SPRYD3: variants seen among roughly 807,000 people sequenced by gnomAD.
The protein encoded by SPRYD3 is SPRY domain-containing protein 3.
In SPRYD3, 17 loss-of-function variants were observed where a neutral mutation model predicts 50.1. That is an observed-to-expected ratio of 0.34 (90% CI 0.23 to 0.51). The LOEUF (loss-of-function observed/expected upper bound fraction) is 0.51. SPRYD3 is among the 20% of genes least tolerant of loss of function. The pLI, the probability that SPRYD3 is intolerant of heterozygous loss-of-function variation, is 0.97. For synonymous variants in SPRYD3, 198 were observed against 215.5 expected (o/e 0.92, Z 0.71); for missense variants, 401 against 591.2 (o/e 0.68, Z 3.34).
At chr12:53,071,497 G>A (rs1201764088) in intron 6 of SPRYD3, among the ~76,000 whole-genome samples, 2 of 152,096 alleles carry the variant, frequency 1.3e-5, no homozygotes, top group Non-Finnish European at 2.9e-5. Flanking sequence ...TCTTTAGGAG[G>A]GGGAAACAGG....
At chr12:53,071,723 TAAAAAAAAAAA>T (rs60600870) in intron 6 of SPRYD3, among the ~76,000 whole-genome samples, 5 of 104,510 alleles carry the variant, frequency 4.8e-5, no homozygotes, top group African/African-American at 1.9e-4. Flanking sequence ...TAGCCTGTCT[TAAAAAAAAAAA>T]AAAAAAAAAA....
rs764045784 is a variant in SPRYD3 at position 53,074,825 on chromosome 12, C to T, written c.372-41G>A. The T allele has an allele frequency of 5.6e-6, 9 of 1,607,964 alleles. No individual in the cohort carries two copies. The African/African-American group carries it at 1.1e-4, about 19-fold the overall frequency. Reference sequence around the variant, plus strand: ...TACAGACACAGGACCCGAGCCTGGCCTCCCAACTTCTCCCCAGCACTGACA... The same window carrying T: ...TACAGACACAGGACCCGAGCCTGGCTTCCCAACTTCTCCCCAGCACTGACA... On this transcript the variant is annotated intron_variant, in intron 4 of 10. Transcript: ENST00000301463. This position sits in a 1 kb window ranked among gnomAD's most constrained non-coding sequence, Gnocchi z 4.6.
At chr12:53,078,359 C>T (rs1335538518) in intron 1 of SPRYD3, among the ~76,000 whole-genome samples, 2 of 151,484 alleles carry the variant, frequency 1.3e-5, no homozygotes, top group Non-Finnish European at 2.9e-5. Flanking sequence ...CGTGGTGGTG[C>T]GCACCTGTAA....
chr12:53,071,354 C>T (rs1944548384), intron 6 of SPRYD3, among the ~76,000 whole-genome samples: 1 of 152,174 alleles, frequency 6.6e-6, no homozygotes, highest in Admixed American at 6.5e-5. Flanking sequence ...AGTCTAATCC[C>T]CCAGCTGTTA....
At chr12:53,066,203 G>C in intron 10 of SPRYD3, 111 bp downstream of exon 10, 1 of 1,531,594 alleles carries the variant, frequency 6.5e-7, no homozygotes, top group African/African-American at 1.4e-5. Context: ...CTTGGGCAAC[G>C]CCAGAGCTTC....
At chr12:53,073,256 G>GGCCCCGGGGGGGGGGCC in intron 6 of SPRYD3, 30 bp downstream of exon 6, 1 of 424,132 alleles carries the variant, frequency 2.4e-6, no homozygotes, top group Non-Finnish European at 4.4e-6. Flanking sequence ...CTCCGACCCA[G>GGCCCCGGGGGGGGGGCC]CCCCTCCCAC....
In SPRYD3 at chr12:53,068,324, T is replaced by TG; in HGVS notation, c.694-21dup. On this transcript the variant is annotated intron_variant, in intron 6 of 10. Transcript: ENST00000301463. ...CAGCAGCTGTGGGGGAAGAGCCAGA[T>TG]GGGGGTCAGGGGACAGGCTGACACC... 6.2e-7 allele frequency: 1 copy of TG among 1,612,918 alleles called. No individual in the cohort carries two copies. Among genetic ancestry groups the TG allele is most frequent in the Non-Finnish European group, 8.5e-7 (1 of 1,179,814 alleles).
intron 1 of SPRYD3, chr12:53,077,913 A>G (rs1944601034): frequency 3.8e-6 from 1 of 266,526 alleles, no homozygotes; most frequent in South Asian, 3.4e-5. Context: ...TTGGCTGGGT[A>G]TGATGGCTCA....
At chr12:53,078,151 C>A in intron 1 of SPRYD3, 1 of 448,474 alleles carries the variant, frequency 2.2e-6, no homozygotes, top group South Asian at 1.6e-5. Flanking sequence ...TACATTCCAG[C>A]CTGGCTGACA....
At chr12:53,073,679 C>T (rs1330394250) in intron 5 of SPRYD3, among the ~76,000 whole-genome samples, 1 of 151,846 alleles carries the variant, frequency 6.6e-6, no homozygotes, top group Non-Finnish European at 1.5e-5. Flanking sequence ...CCCGTCTCTA[C>T]TAAAAATACA....
chr12:53,070,010 C>G (rs923889901), intron 6 of SPRYD3, among the ~76,000 whole-genome samples: 9 of 152,234 alleles, frequency 5.9e-5, no homozygotes, highest in African/African-American at 2.2e-4. Flanking sequence ...TTTGCCTCAG[C>G]TCAGAAGAGG....
At chr12:53,075,542 G>A (rs1944582026) in intron 3 of SPRYD3, among the ~76,000 whole-genome samples, 194 bp downstream of exon 3, 1 of 152,140 alleles carries the variant, frequency 6.6e-6, no homozygotes, top group Admixed American at 6.5e-5. Context: ...GAAGGGACAG[G>A]GTGACAGGTT....
rs537037309 is a variant in SPRYD3, at chr12:53,079,367, C to T, written c.-34G>A. ...CTCTCAGCTCCGCACACAAGCTCTTCGGCCGCCGCCACCACACACATCCGG... is the reference window on the plus strand; with the variant it reads ...CTCTCAGCTCCGCACACAAGCTCTTTGGCCGCCGCCACCACACACATCCGG... On this transcript the variant is annotated 5_prime_UTR_variant, in exon 1 of 11. Transcript: ENST00000301463. 2.5e-6 allele frequency: 4 copies of T among 1,596,844 alleles called. No homozygotes were observed. The highest frequency in any genetic ancestry group is 2.2e-5 in the South Asian group (2 of 89,246).
At chr12:53,066,054 T>A in intron 10 of SPRYD3, 88 bp from the exon 11 acceptor site, 4 of 1,510,388 alleles carry the variant, frequency 2.6e-6, no homozygotes, top group Non-Finnish European at 3.6e-6. Flanking sequence ...TGAACCCCAA[T>A]CACCCCAGCT....
At chr12:53,067,837 C>A in intron 7 of SPRYD3, 132 bp from the exon 8 acceptor site, 1 of 851,528 alleles carries the variant, frequency 1.2e-6, no homozygotes, top group Non-Finnish European at 1.9e-6. Flanking sequence ...TCATACCCTG[C>A]AGGCACTGGG....
At chr12:53,078,930 G>T (rs1348855495) in intron 1 of SPRYD3, among the ~76,000 whole-genome samples, 1 of 152,174 alleles carries the variant, frequency 6.6e-6, no homozygotes, top group Non-Finnish European at 1.5e-5. Flanking sequence ...AGAAGAGTAG[G>T]CACCTGTGGG....
At position 53,064,463 on chromosome 12, in the gene SPRYD3, T is replaced by C. The variant is rs541642898; in HGVS notation, c.*1369A>G. On this transcript the variant is annotated 3_prime_UTR_variant, in exon 11 of 11. Transcript: ENST00000301463. ...GTGCTCAGGCCTGTAGCCAGGCCCATGGAACATATGATTCCCATCCCTGGC... is the reference window on the plus strand; with the variant it reads ...GTGCTCAGGCCTGTAGCCAGGCCCACGGAACATATGATTCCCATCCCTGGC... The C allele has an allele frequency of 4.6e-5, 7 of 152,854 alleles. No homozygotes were observed. The East Asian group carries it at 1.4e-3, about 29-fold the overall frequency. The allele number at this position is 152,854 out of a possible 1,614,324, so 9.5% of individuals were successfully genotyped here.
In SPRYD3 at chr12:53,074,921, GC is replaced by G; in HGVS notation, c.372-138del. On this transcript the variant is annotated intron_variant, in intron 4 of 10. Coordinates refer to ENST00000301463, the MANE Select transcript of SPRYD3 (RefSeq NM_032840.3). The surrounding 1 kb of genome is among the most constrained non-coding windows in gnomAD (Gnocchi z 4.6). ...GGTACCCACTTACGTCCTGGCGTGAGCATCACCCTCCTCTAGTCTGTAAGCC... is the reference window on the plus strand; with the variant it reads ...GGTACCCACTTACGTCCTGGCGTGAGATCACCCTCCTCTAGTCTGTAAGCC... 1 of 1,349,444 alleles carries G rather than the reference GC, an allele frequency of 7.4e-7. No individual in the cohort carries two copies. The highest frequency in any genetic ancestry group is 1.0e-6 in the Non-Finnish European group (1 of 960,096). 83.6% of individuals were successfully genotyped at this position (1,349,444 alleles called of 1,614,324 possible).
chr12:53,066,807 G>C, intron 8 of SPRYD3, 115 bp from the exon 9 acceptor site: 3 of 1,362,180 alleles, frequency 2.2e-6, no homozygotes, highest in Non-Finnish European at 3.0e-6. Context: ...GAAGGGTCAG[G>C]GCGGAAACAA....
Sources: allele counts gnomAD v4.1 joint callset (sites outside exome capture counted in the v4.1 genomes callset), GRCh38; gene constraint gnomAD v4.1.1; non-coding constraint Gnocchi (gnomAD v3.1); transcripts MANE v1.5; gene names NCBI Gene and HGNC (gene_info 2026-07-23, HGNC 2026-07-21).